Variants in OSBPL10 observed in about 807,000 individuals in gnomAD.
OSBPL10 encodes the protein oxysterol binding protein like 10, also known as oxysterol-binding protein-related protein 10.
In OSBPL10, 49 loss-of-function variants were observed where a neutral mutation model predicts 81.7. The ratio of observed to expected loss-of-function variants is 0.60; its 90% CI spans 0.48 to 0.76. The LOEUF (loss-of-function observed/expected upper bound fraction) is 0.76. Among genes scored for constraint, OSBPL10 ranks in the 30% least tolerant of loss-of-function variants. The pLI, the probability that OSBPL10 is intolerant of heterozygous loss-of-function variation, is 0.00. For missense variants in OSBPL10, 923 were observed against 987.8 expected, an observed-to-expected ratio of 0.93 and a Z score of 0.88; for synonymous variants, 419 against 383.6, an observed-to-expected ratio of 1.09 and a Z score of -1.08.
At chr3:31,753,218 A>G (rs1358978469) in intron 4 of OSBPL10, among the ~76,000 whole-genome samples, 2 of 147,514 alleles carry the variant, frequency 1.4e-5, no homozygotes, top group African/African-American at 2.5e-5. Flanking sequence ...CAGAGTTTCA[A>G]TCTTTATTGA....
chr3:31,710,543 C>T (rs979761783), intron 6 of OSBPL10: 2 of 152,210 alleles, frequency 1.3e-5, no homozygotes, highest in African/African-American at 2.4e-5. Flanking sequence ...TCTGGAGCTA[C>T]ACTAGGAAAG....
intron 7 of OSBPL10, among the ~76,000 whole-genome samples, chr3:31,690,302 G>A (rs912333779): frequency 5.9e-5 from 9 of 152,044 alleles, no homozygotes; most frequent in African/African-American, 2.2e-4. Context: ...GTAAGATGTT[G>A]AGAGCTTCCC....
At chr3:31,827,409 G>T (rs1700126555) in intron 4 of OSBPL10, among the ~76,000 whole-genome samples, 1 of 152,146 alleles carries the variant, frequency 6.6e-6, no homozygotes, top group Admixed American at 6.5e-5. Context: ...GGCTGAGGTG[G>T]GCGGATCACG....
At chr3:31,945,368 A>C (rs1333112707) in intron 1 of OSBPL10, among the ~76,000 whole-genome samples, 5 of 152,146 alleles carry the variant, frequency 3.3e-5, no homozygotes, top group Admixed American at 3.3e-4. Context: ...CTCTAGGGAC[A>C]CTATCTGGAC....
chr3:31,833,437 TATACAATACTTAGC>T (rs2125536285), intron 3 of OSBPL10, among the ~76,000 whole-genome samples: 1 of 152,338 alleles, frequency 6.6e-6, no homozygotes, highest in South Asian at 2.1e-4. Flanking sequence ...AGATTATGCA[TATACAATACTTAGC>T]ACAGTGCCTG....
At chr3:31,985,832 C>T (rs1329493627), upstream of OSBPL10, among the ~76,000 whole-genome samples, 1 of 152,200 alleles carries the variant, frequency 6.6e-6, no homozygotes, top group Admixed American at 6.5e-5. Context: ...AAGTGTTTTA[C>T]ACATAATAAC....
intron 1 of OSBPL10, among the ~76,000 whole-genome samples, chr3:31,915,567 T>C (rs1167699758): frequency 1.3e-5 from 2 of 152,088 alleles, no homozygotes; most frequent in Non-Finnish European, 2.9e-5. Context: ...TGGGTACTAA[T>C]GGACATAATG....
chr3:31,748,263 T>TGC, intron 4 of OSBPL10, 143 bp from the exon 5 acceptor site: 1 of 741,944 alleles, frequency 1.3e-6, no homozygotes, highest in South Asian at 1.7e-5. Context: ...TTTTGATAAA[T>TGC]ACTCAATCCT....
intron 3 of OSBPL10, among the ~76,000 whole-genome samples, chr3:31,873,169 T>G (rs1054414241): frequency 6.6e-6 from 1 of 152,126 alleles, no homozygotes; most frequent in Non-Finnish European, 1.5e-5. Flanking sequence ...AACTTTACAC[T>G]TAAAAGGAGT....
At chr3:31,939,048 C>T (rs1697461471) in intron 1 of OSBPL10, among the ~76,000 whole-genome samples, 1 of 152,060 alleles carries the variant, frequency 6.6e-6, no homozygotes, top group Non-Finnish European at 1.5e-5. Flanking sequence ...TCTATCCACA[C>T]TAGACTTCCC....
intron 1 of OSBPL10, chr3:31,919,576 T>C (rs1696854257): frequency 6.6e-6 from 1 of 152,198 alleles, no homozygotes; most frequent in Non-Finnish European, 1.5e-5. Flanking sequence ...ATTCCAGGAA[T>C]GTGCTCATCC....
chr3:31,826,351 C>T (rs1288942177), intron 4 of OSBPL10, among the ~76,000 whole-genome samples: 4 of 152,196 alleles, frequency 2.6e-5, no homozygotes, highest in Non-Finnish European at 5.9e-5. Flanking sequence ...GTCTGTTCCT[C>T]CTGATGATAT....
At chr3:31,773,497 C>G (rs1050125898) in intron 4 of OSBPL10, among the ~76,000 whole-genome samples, 1 of 152,200 alleles carries the variant, frequency 6.6e-6, no homozygotes, top group African/African-American at 2.4e-5. Flanking sequence ...TGCTAACACA[C>G]AGCAAGTGTT....
At chr3:31,872,314 A>G (rs1333629702) in intron 3 of OSBPL10, among the ~76,000 whole-genome samples, 2 of 152,210 alleles carry the variant, frequency 1.3e-5, no homozygotes, top group Non-Finnish European at 1.5e-5. Flanking sequence ...CAAGGACAAG[A>G]AAGCAGGAGA....
chr3:31,977,981 T>C (rs1698732108), intron 1 of OSBPL10, among the ~76,000 whole-genome samples: 1 of 152,222 alleles, frequency 6.6e-6, no homozygotes, highest in Non-Finnish European at 1.5e-5. Context: ...TTATGTCGTT[T>C]ATTTTGTGTT....
intron 1 of OSBPL10, among the ~76,000 whole-genome samples, chr3:31,980,017 T>TA (rs932244877): frequency 2.3e-4 from 35 of 151,786 alleles, no homozygotes; most frequent in African/African-American, 6.8e-4. Context: ...TTTATTTATT[T>TA]TTTTTGAGTC....
intron 3 of OSBPL10, among the ~76,000 whole-genome samples, chr3:31,860,644 G>T (rs1216319525): frequency 6.6e-6 from 1 of 152,090 alleles, no homozygotes; most frequent in Non-Finnish European, 1.5e-5. Context: ...TCAAAACACT[G>T]TTAAAAATAC....
intron 3 of OSBPL10, among the ~76,000 whole-genome samples, chr3:31,874,258 T>C (rs1701398092): frequency 6.6e-6 from 1 of 152,112 alleles, no homozygotes; most frequent in Admixed American, 6.5e-5. Flanking sequence ...GATTTAAATA[T>C]AATAATTAAC....
At chr3:32,058,418 C>T (rs1223431940) in intron 1 of OSBPL10, among the ~76,000 whole-genome samples, 2 of 152,140 alleles carry the variant, frequency 1.3e-5, no homozygotes, top group Non-Finnish European at 2.9e-5. Context: ...ACCTCTGCCT[C>T]TTGGGTTCAA....
Sources: allele counts gnomAD v4.1 joint callset (sites outside exome capture counted in the v4.1 genomes callset), GRCh38; gene constraint gnomAD v4.1.1; transcripts MANE v1.5; gene names NCBI Gene and HGNC (gene_info 2026-07-23, HGNC 2026-07-21).